Variants in UBE2D3 observed in about 807,000 individuals in gnomAD.
The protein encoded by UBE2D3 is ubiquitin conjugating enzyme E2 D3, also known as ubiquitin-conjugating enzyme E2 D3.
Under a neutral mutation model 22.8 loss-of-function variants are expected in UBE2D3, and 2 were observed. That is an observed-to-expected ratio of 0.09 (90% confidence interval 0.04 to 0.28). The LOEUF (loss-of-function observed/expected upper bound fraction) is 0.28. Among genes scored for constraint, UBE2D3 ranks in the 10% least tolerant of loss-of-function variants. The pLI is 1.00. For synonymous variants in UBE2D3, 56 were observed against 60.4 expected (o/e 0.93, Z 0.34); for missense variants, 27 against 182.5 (o/e 0.15, Z 4.91).
chr4:102,841,011 C>A (rs1283468274), intron 1 of UBE2D3, among the ~76,000 whole-genome samples: 4 of 149,420 alleles, frequency 2.7e-5, no homozygotes, highest in African/African-American at 9.9e-5. Flanking sequence ...CAGAACAAGA[C>A]TCTTTTAAAA....
chr4:102,851,674 T>G (rs1162424912), intron 1 of UBE2D3, among the ~76,000 whole-genome samples: 3 of 31,452 alleles, frequency 9.5e-5, no homozygotes, highest in Non-Finnish European at 1.6e-4. Flanking sequence ...TGTTTTTTGT[T>G]TTTTTTTTTT....
intron 2 of UBE2D3, among the ~76,000 whole-genome samples, chr4:102,819,367 T>TA: frequency 6.6e-6 from 1 of 152,058 alleles, no homozygotes; most frequent in Non-Finnish European, 1.5e-5. Flanking sequence ...TCAAAGAGCT[T>TA]ATAAATTGGA....
At chr4:102,822,044 T>C (rs979441743) in intron 2 of UBE2D3, among the ~76,000 whole-genome samples, 6 of 152,216 alleles carry the variant, frequency 3.9e-5, no homozygotes, top group African/African-American at 4.8e-5. Flanking sequence ...TCCTCAAAGA[T>C]TGCCTGTCTT....
chr4:102,842,127 C>T (rs1282111924), intron 1 of UBE2D3, among the ~76,000 whole-genome samples: 1 of 151,886 alleles, frequency 6.6e-6, no homozygotes, highest in Non-Finnish European at 1.5e-5. Flanking sequence ...TTTCAAGTCC[C>T]TAAGTAATAG....
At chr4:102,799,275 T>C (rs1725745579) in intron 7 of UBE2D3, 132 bp downstream of exon 7, 2 of 751,472 alleles carry the variant, frequency 2.7e-6, no homozygotes, top group East Asian at 5.4e-5. Flanking sequence ...AATAACCACA[T>C]TTCAATAGCT....
At chr4:102,800,002 C>T (rs2110248807) in intron 6 of UBE2D3, among the ~76,000 whole-genome samples, 1 of 152,052 alleles carries the variant, frequency 6.6e-6, no homozygotes, top group East Asian at 1.9e-4. Flanking sequence ...AAACCATATT[C>T]CCAAGAGTAC....
chr4:102,818,391 T>C (rs779231624), intron 2 of UBE2D3, among the ~76,000 whole-genome samples: 17 of 152,126 alleles, frequency 1.1e-4, no homozygotes, highest in Non-Finnish European at 5.9e-5. Context: ...ATCCAGACCT[T>C]CTCACTGGAA....
intron 1 of UBE2D3, among the ~76,000 whole-genome samples, chr4:102,849,361 T>C: frequency 9.1e-6 from 1 of 109,728 alleles, no homozygotes; most frequent in Non-Finnish European, 1.7e-5. Context: ...GAGACCCCTG[T>C]CTCAAAAAAA....
At chr4:102,799,835 G>T (rs1339957910) in intron 6 of UBE2D3, among the ~76,000 whole-genome samples, 1 of 138,368 alleles carries the variant, frequency 7.2e-6, no homozygotes, top group Admixed American at 7.1e-5. Flanking sequence ...CAGTGGCTGG[G>T]GGGGGGGGGA....
At chr4:102,799,641 G>C in intron 6 of UBE2D3, 141 bp from the exon 7 acceptor site, 1 of 602,940 alleles carries the variant, frequency 1.7e-6, no homozygotes, top group South Asian at 2.8e-5. Context: ...CAGTTTTACA[G>C]AGATTTTGTT....
At chr4:102,837,691 C>G (rs1230947567) in intron 1 of UBE2D3, among the ~76,000 whole-genome samples, 1 of 152,142 alleles carries the variant, frequency 6.6e-6, no homozygotes, top group Non-Finnish European at 1.5e-5. Context: ...GTGGCTCACG[C>G]CTGTAATCCC....
At chr4:102,841,869 G>A (rs967886923) in intron 1 of UBE2D3, among the ~76,000 whole-genome samples, 3 of 151,974 alleles carry the variant, frequency 2.0e-5, no homozygotes, top group Admixed American at 1.3e-4. Context: ...ATTCATAGTG[G>A]GCTTCTCTGC....
intron 2 of UBE2D3, among the ~76,000 whole-genome samples, chr4:102,814,403 C>T (rs1168314359): frequency 2.0e-5 from 3 of 151,482 alleles, no homozygotes; most frequent in Non-Finnish European, 4.4e-5. Flanking sequence ...ACTCTCCTGC[C>T]TCAGCCTCCT....
chr4:102,859,661 C>T (rs868458615), intron 1 of UBE2D3, among the ~76,000 whole-genome samples: 7 of 151,660 alleles, frequency 4.6e-5, no homozygotes, highest in African/African-American at 1.2e-4. Flanking sequence ...TTCTATAATG[C>T]GCATATTGGT....
chr4:102,827,497 C>T lies in UBE2D3; in HGVS notation c.-199G>A. The T allele has an allele frequency of 8.1e-6, 8 of 986,236 alleles. No individual in the cohort carries two copies. Among genetic ancestry groups the T allele is most frequent in the Non-Finnish European group, 9.6e-6 (8 of 830,202 alleles). The allele number at this position is 986,236 out of a possible 1,614,324, so 61.1% of individuals were successfully genotyped here. On this transcript the variant is annotated 5_prime_UTR_variant, in exon 1 of 8. Transcript: ENST00000453744. ...CGCGCGGCAGCTGGTGCCTCCCCGGCCCTACGGGGCTCACGCGCACGACAC... is the reference window on the plus strand; with the variant it reads ...CGCGCGGCAGCTGGTGCCTCCCCGGTCCTACGGGGCTCACGCGCACGACAC...
intron 1 of UBE2D3, among the ~76,000 whole-genome samples, chr4:102,855,916 T>G (rs546147653): frequency 2.9e-4 from 44 of 152,278 alleles, no homozygotes; most frequent in Admixed American, 8.5e-4. Context: ...GTAGGTAGAT[T>G]GGGACTGATG....
At chr4:102,863,264 T>A (rs1474356989) in intron 1 of UBE2D3, among the ~76,000 whole-genome samples, 1 of 152,112 alleles carries the variant, frequency 6.6e-6, no homozygotes, top group Non-Finnish European at 1.5e-5. Flanking sequence ...TTGGCCAGTC[T>A]GGTCTCGAAC....
At chr4:102,815,945 C>T (rs1007980766) in intron 2 of UBE2D3, among the ~76,000 whole-genome samples, 7 of 152,172 alleles carry the variant, frequency 4.6e-5, no homozygotes, top group African/African-American at 1.7e-4. Context: ...TAAAGTACCA[C>T]TTAGTACCCA....
intron 1 of UBE2D3, among the ~76,000 whole-genome samples, chr4:102,868,103 T>C (rs1003974527): frequency 7.2e-6 from 1 of 139,204 alleles, no homozygotes; most frequent in Non-Finnish European, 1.5e-5. Context: ...GACGGAGTCT[T>C]GCTCTGTCTC....
Sources: allele counts gnomAD v4.1 joint callset (sites outside exome capture counted in the v4.1 genomes callset), GRCh38; gene constraint gnomAD v4.1.1; transcripts MANE v1.5; gene names NCBI Gene and HGNC (gene_info 2026-07-23, HGNC 2026-07-21).